LDLRAD4: variants seen among roughly 807,000 people sequenced by gnomAD.
LDLRAD4 encodes low-density lipoprotein receptor class A domain-containing protein 4.
Under a neutral mutation model 17.0 loss-of-function variants are expected in LDLRAD4, and 5 were observed. The observed-to-expected ratio is 0.29, with a 90% CI of 0.15 to 0.62. The LOEUF is 0.62. Ranked by LOEUF, LDLRAD4 falls within the 20% of genes least tolerant of loss-of-function variation. The pLI is 0.84. For synonymous variants in LDLRAD4, 168 were observed against 171.8 expected (o/e 0.98, Z 0.17); for missense variants, 340 against 424.7 (o/e 0.80, Z 1.75).
rs143874983 is a variant in LDLRAD4 at position 13,636,653 on chromosome 18, G to A, written c.337-6706G>A. The stretch of plus-strand genomic sequence containing the variant: ...TGGGATTGTAGGCGTGCACCACCGT[G>A]CCCAGCTAAATTTTTTTTGTATTTT... On this transcript the variant is annotated intron_variant, in intron 4 of 5. Transcript: ENST00000359446. Among the ~76,000 whole-genome samples, 115 of 151,134 alleles carry A rather than the reference G, an allele frequency of 7.6e-4. 1 individual carries two copies. The East Asian group carries it at 0.016, about 21-fold the overall frequency.
chr18:13,383,741 C>G lies in LDLRAD4; in HGVS notation c.-382-3600C>G, dbSNP rs1183760460. 2.6e-5 allele frequency among the ~76,000 whole-genome samples: 4 copies of G among 152,246 alleles called. No individual in the cohort carries two copies. In the East Asian group the frequency reaches 7.7e-4, roughly 29 times the overall value. On this transcript the variant is annotated intron_variant, in intron 1 of 5. Coordinates refer to ENST00000359446, the Ensembl canonical transcript of LDLRAD4. ...CAGAGTTTTCTCTGGGTCCTGATCA[C>G]CCACCCTGCGCTGCCTGTTGGTCAC...
Position 13,527,143 on chromosome 18 carries a change from G to A in LDLRAD4, c.181+88759G>A, listed in dbSNP as rs574973326. On this transcript the variant is annotated intron_variant, in intron 3 of 5. Transcript: ENST00000359446. The stretch of plus-strand genomic sequence containing the variant: ...TCCCTGTAAGACACCATTAAGTTTC[G>A]TGCTTTTACTCAGCTCATTGGAGAA... 2.2e-4 allele frequency among the ~76,000 whole-genome samples: 33 copies of A among 152,308 alleles called. No homozygotes were observed. The South Asian group carries it at 6.4e-3, about 30-fold the overall frequency.
intron 4 of LDLRAD4, among the ~76,000 whole-genome samples, chr18:13,623,921 C>A (rs1425013961): frequency 1.3e-5 from 2 of 152,166 alleles, no homozygotes; most frequent in Non-Finnish European, 2.9e-5. Context: ...GGGGAGCGAT[C>A]TGATTCATTT....
At chr18:13,567,764 A>T (rs1033908324) in intron 3 of LDLRAD4, among the ~76,000 whole-genome samples, 17 of 151,824 alleles carry the variant, frequency 1.1e-4, no homozygotes, top group African/African-American at 4.1e-4. Flanking sequence ...AAAAAAAAAA[A>T]ATAGAATATT....
rs117130435 is a variant in LDLRAD4, at chr18:13,310,934, A to G, written c.-383+32746A>G. 4.7e-3 allele frequency among the ~76,000 whole-genome samples: 721 copies of G among 152,336 alleles called. 2 individuals carry two copies. Among genetic ancestry groups the G allele is most frequent in the Middle Eastern group, 0.02 (6 of 294 alleles). ...CTGGATCCAGAGAGACGTAAGTTCA[A>G]TCCCTGTTACATCCGCTAGCATTTC... On this transcript the variant is annotated intron_variant, in intron 1 of 5. Coordinates refer to ENST00000359446, the Ensembl canonical transcript of LDLRAD4.
At chr18:13,617,247 G>A (rs755269886) in intron 3 of LDLRAD4, among the ~76,000 whole-genome samples, 1 of 152,134 alleles carries the variant, frequency 6.6e-6, no homozygotes, top group African/African-American at 2.4e-5. Context: ...GTTTTACAGA[G>A]AGTAATTCCA....
intron 3 of LDLRAD4, among the ~76,000 whole-genome samples, chr18:13,604,881 G>T (rs968495888): frequency 6.6e-6 from 1 of 152,038 alleles, no homozygotes; most frequent in African/African-American, 2.4e-5. Context: ...GAAACATTTG[G>T]GGGCGTGCCA....
chr18:13,570,043 G>A (rs1402343058), intron 3 of LDLRAD4, among the ~76,000 whole-genome samples: 1 of 152,158 alleles, frequency 6.6e-6, no homozygotes, highest in Non-Finnish European at 1.5e-5. Flanking sequence ...TTGGGGGAAG[G>A]GGTTGTATTT....
chr18:13,266,663 G>C (rs1331876801), intron 1 of LDLRAD4, among the ~76,000 whole-genome samples: 1 of 152,282 alleles, frequency 6.6e-6, no homozygotes, highest in Non-Finnish European at 1.5e-5. Flanking sequence ...CTCAGGCGCT[G>C]CCTGGCGATG....
chr18:13,228,662 C>T (rs1255692311), intron 1 of LDLRAD4, among the ~76,000 whole-genome samples: 22 of 152,088 alleles, frequency 1.4e-4, no homozygotes, highest in Admixed American at 1.4e-3. Context: ...TGAGACCAGC[C>T]TGGGCAGCAT....
chr18:13,404,476 G>A (rs576712926), intron 2 of LDLRAD4, among the ~76,000 whole-genome samples: 3 of 152,310 alleles, frequency 2.0e-5, no homozygotes, highest in East Asian at 1.9e-4. Flanking sequence ...TGTGCTGGGC[G>A]CTGCACTTTT....
At chr18:13,319,399 T>C (rs1450942431) in intron 1 of LDLRAD4, among the ~76,000 whole-genome samples, 1 of 152,182 alleles carries the variant, frequency 6.6e-6, no homozygotes, top group East Asian at 1.9e-4. Context: ...AGCATTTTGT[T>C]TACAGACACC....
intron 1 of LDLRAD4, among the ~76,000 whole-genome samples, chr18:13,222,165 C>T (rs1464297792): frequency 2.0e-5 from 3 of 152,170 alleles, no homozygotes; most frequent in Non-Finnish European, 4.4e-5. Context: ...ACCCCCTTCT[C>T]AACCGTCTCC....
chr18:13,623,045 C>G (rs773158714), intron 4 of LDLRAD4, among the ~76,000 whole-genome samples: 6 of 152,232 alleles, frequency 3.9e-5, no homozygotes, highest in Non-Finnish European at 8.8e-5. Flanking sequence ...GCAGACCCAG[C>G]CCCGCTTGCT....
chr18:13,340,470 C>T (rs146157461), intron 1 of LDLRAD4, among the ~76,000 whole-genome samples: 7 of 152,218 alleles, frequency 4.6e-5, no homozygotes, highest in African/African-American at 1.7e-4. Context: ...TTTTGATTTG[C>T]ATTTCCCTAG....
intron 3 of LDLRAD4, among the ~76,000 whole-genome samples, chr18:13,445,768 T>G (rs542717921): frequency 4.7e-5 from 7 of 150,124 alleles, no homozygotes; most frequent in South Asian, 4.2e-4. Flanking sequence ...CATGTGTGGG[T>G]GTGTGTGTGT....
intron 1 of LDLRAD4, among the ~76,000 whole-genome samples, chr18:13,326,032 G>T (rs2093973414): frequency 6.6e-6 from 1 of 152,070 alleles, no homozygotes; most frequent in Non-Finnish European, 1.5e-5. Flanking sequence ...CTCCCAAAGT[G>T]CTGGGATTAC....
intron 3 of LDLRAD4, among the ~76,000 whole-genome samples, chr18:13,549,107 T>G (rs1601303382): frequency 6.6e-6 from 1 of 152,158 alleles, no homozygotes; most frequent in East Asian, 1.9e-4. Flanking sequence ...AAGTCATAGT[T>G]GCATGTGGTG....
chr18:13,596,758 T>A (rs2095101158), intron 3 of LDLRAD4, among the ~76,000 whole-genome samples: 1 of 152,212 alleles, frequency 6.6e-6, no homozygotes, highest in African/African-American at 2.4e-5. Flanking sequence ...CTTTTCTAGT[T>A]CTCTTCATTT....
Sources: gnomAD v4.1 joint callset for allele counts (sites outside exome capture counted in the v4.1 genomes callset) on GRCh38, gnomAD v4.1.1 for gene constraint, MANE v1.5 for transcripts, NCBI Gene and HGNC (gene_info 2026-07-23, HGNC 2026-07-21) for gene names.